Variants in SEPTIN7 observed in about 807,000 individuals in gnomAD.
SEPTIN7 encodes the protein septin 7, also known as septin-7.
Under a neutral mutation model 63.3 loss-of-function variants are expected in SEPTIN7, and 10 were observed. The observed-to-expected ratio is 0.16, with a 90% CI of 0.10 to 0.27. The LOEUF is 0.27. Among genes scored for constraint, SEPTIN7 ranks in the 10% least tolerant of loss-of-function variants. The pLI is 1.00. For missense variants in SEPTIN7, 310 were observed against 521.0 expected, an observed-to-expected ratio of 0.59 and a Z score of 3.94; for synonymous variants, 131 against 165.3, an observed-to-expected ratio of 0.79 and a Z score of 1.59.
At chr7:35,914,641 CT>C in the SEPTIN7 span, among the ~76,000 whole-genome samples, 26 of 3,136 alleles carry the variant, frequency 8.3e-3, no homozygotes, top group Non-Finnish European at 0.073. Context: ...TTCTGTCCCT[CT>C]CTCTCTCTCT....
At chr7:35,890,926 A>G in intron 11 of SEPTIN7, 133 bp downstream of exon 11, 1 of 701,270 alleles carries the variant, frequency 1.4e-6, no homozygotes, top group South Asian at 4.9e-5. Context: ...AGCAGCATAA[A>G]TTTATATTGT....
chr7:35,848,711 C>G (rs980397409), intron 3 of SEPTIN7, among the ~76,000 whole-genome samples: 1 of 152,152 alleles, frequency 6.6e-6, no homozygotes, highest in African/African-American at 2.4e-5. Context: ...TAACCTAGGT[C>G]AGGCAGTATC....
At chr7:35,846,442 T>A (rs1434113678) in intron 3 of SEPTIN7, among the ~76,000 whole-genome samples, 1 of 152,170 alleles carries the variant, frequency 6.6e-6, no homozygotes, top group African/African-American at 2.4e-5. Context: ...TAATACAGTT[T>A]CTATAGGTGT....
At chr7:35,840,758 T>C (rs942962924) in intron 3 of SEPTIN7, among the ~76,000 whole-genome samples, 6 of 152,148 alleles carry the variant, frequency 3.9e-5, no homozygotes, top group Non-Finnish European at 5.9e-5. Context: ...GAATACACTA[T>C]AATAGTAGAG....
the SEPTIN7 span, among the ~76,000 whole-genome samples, chr7:35,912,499 C>T: frequency 2.6e-5 from 4 of 152,130 alleles, no homozygotes; most frequent in South Asian, 4.2e-4. Context: ...AATCTCTGTT[C>T]GGGGCTCTCA....
chr7:35,828,254 A>G (rs574597639), intron 1 of SEPTIN7, among the ~76,000 whole-genome samples: 1 of 152,092 alleles, frequency 6.6e-6, no homozygotes, highest in Non-Finnish European at 1.5e-5. Flanking sequence ...TGTTTCTGTA[A>G]TGGTATCTTT....
chr7:35,864,137 C>G (rs1785669036), intron 4 of SEPTIN7, among the ~76,000 whole-genome samples: 1 of 151,488 alleles, frequency 6.6e-6, no homozygotes, highest in Admixed American at 6.6e-5. Context: ...TATAGAAAAG[C>G]TATTGTGATT....
chr7:35,861,343 T>C (rs1005309167), intron 3 of SEPTIN7, among the ~76,000 whole-genome samples: 12 of 152,224 alleles, frequency 7.9e-5, no homozygotes, highest in African/African-American at 2.7e-4. Context: ...TGTTTTCCTA[T>C]ACCTTGTTGC....
chr7:35,875,361 G>A (rs552494287), intron 6 of SEPTIN7, among the ~76,000 whole-genome samples: 47 of 152,102 alleles, frequency 3.1e-4, no homozygotes, highest in African/African-American at 9.2e-4. Context: ...ATTAAGTGAA[G>A]GAATATGACA....
chr7:35,884,803 T>G (rs1292721180), intron 9 of SEPTIN7, among the ~76,000 whole-genome samples: 1 of 152,192 alleles, frequency 6.6e-6, no homozygotes, highest in Non-Finnish European at 1.5e-5. Flanking sequence ...TTGTTTTCTT[T>G]TTTAACCTGC....
At position 35,801,271 on chromosome 7, in the gene SEPTIN7, G is replaced by A. The variant is rs1428877604; in HGVS notation, c.61+1G>A. 1.4e-6 allele frequency: 2 copies of A among 1,446,098 alleles called. No homozygotes were observed. Among genetic ancestry groups the A allele is most frequent in the Non-Finnish European group, 1.8e-6 (2 of 1,106,580 alleles). 89.6% of individuals were successfully genotyped at this position (1,446,098 alleles called of 1,614,324 possible). A position where few individuals can be genotyped will look rare whatever the true frequency, so the allele number is the denominator to read the frequency against. ...AGGAGCGTCAACAGCAGCACCATGG[G>A]TGAGTCTCAGCTTCGGGTGCCGCGA... On this transcript the variant is annotated splice_donor_variant, in intron 1 of 13. Coordinates refer to ENST00000350320, the MANE Select transcript of SEPTIN7 (RefSeq NM_001788.6). LOFTEE classifies it high-confidence loss of function.
intron 11 of SEPTIN7, among the ~76,000 whole-genome samples, chr7:35,897,149 T>TA (rs1372179212): frequency 3.3e-5 from 5 of 152,050 alleles, no homozygotes; most frequent in African/African-American, 4.8e-5. Flanking sequence ...GTTAATTTTT[T>TA]AAAAAAAATT....
In SEPTIN7 at chr7:35,899,420, A is replaced by G. The variant is rs138386291; in HGVS notation, c.1134+1037A>G. 453 of 152,618 alleles carry G rather than the reference A, an allele frequency of 3.0e-3. 1 individual carries two copies. Among genetic ancestry groups the G allele is most frequent in the African/African-American group, 0.01 (428 of 41,576 alleles). 9.5% of individuals were successfully genotyped at this position (152,618 alleles called of 1,614,324 possible). ...TGTGGTGGTGAGTGCCTGTAATCCC[A>G]GCTACTTGGGAGGCTGAGGCTGGAG... On this transcript the variant is annotated intron_variant, in intron 12 of 13. Coordinates refer to ENST00000350320, the MANE Select transcript of SEPTIN7 (RefSeq NM_001788.6).
intron 1 of SEPTIN7, among the ~76,000 whole-genome samples, chr7:35,824,847 T>G (rs1359753838): frequency 1.3e-5 from 2 of 152,184 alleles, no homozygotes; most frequent in Non-Finnish European, 2.9e-5. Context: ...AAAATTTTAT[T>G]TCAACATGCA....
intron 3 of SEPTIN7, among the ~76,000 whole-genome samples, chr7:35,845,742 C>A (rs1784627163): frequency 6.6e-6 from 1 of 152,086 alleles, no homozygotes; most frequent in South Asian, 2.1e-4. Flanking sequence ...CCTTGCAAAC[C>A]TTTCGAGTAT....
chr7:35,815,073 G>A (rs1307380772), intron 1 of SEPTIN7: 3 of 280,934 alleles, frequency 1.1e-5, no homozygotes, highest in Non-Finnish European at 1.4e-5. Context: ...TTTTTTCATT[G>A]TTCAGTTGTC....
intron 1 of SEPTIN7, among the ~76,000 whole-genome samples, chr7:35,804,341 T>C (rs1463018345): frequency 6.6e-6 from 1 of 152,186 alleles, no homozygotes; most frequent in East Asian, 1.9e-4. Flanking sequence ...CTGTGTCCTT[T>C]TGCATCATCA....
At chr7:35,847,788 AATACTTCATCCCTGGTCCTTAGGGG>A (rs1231870059) in intron 3 of SEPTIN7, 1 of 152,220 alleles carries the variant, frequency 6.6e-6, no homozygotes, top group African/African-American at 2.4e-5. Flanking sequence ...GTATGATTCA[AATACTTCATCCCTGGTCCTTAGGGG>A]ATACGTTTTG....
intron 1 of SEPTIN7, among the ~76,000 whole-genome samples, chr7:35,818,154 G>T (rs1276504126): frequency 6.6e-6 from 1 of 152,000 alleles, no homozygotes; most frequent in Admixed American, 6.6e-5. Flanking sequence ...TCCCTTGTAT[G>T]TCTAGTTTGT....
Sources: gnomAD v4.1 joint callset for allele counts (sites outside exome capture counted in the v4.1 genomes callset) on GRCh38, gnomAD v4.1.1 for gene constraint, MANE v1.5 for transcripts, NCBI Gene and HGNC (gene_info 2026-07-23, HGNC 2026-07-21) for gene names.